CSMD3: variants seen among roughly 807,000 people sequenced by gnomAD.
CSMD3 encodes the protein CUB and sushi domain-containing protein 3.
CSMD3 carries 177 observed loss-of-function variants against 435.2 expected under a neutral mutation model. The ratio of observed to expected loss-of-function variants is 0.41; its 90% CI spans 0.36 to 0.46. CSMD3 has a LOEUF of 0.46. CSMD3 is among the 20% of genes least tolerant of loss of function. The pLI, the probability that CSMD3 is intolerant of heterozygous loss-of-function variation, is 0.34. For synonymous variants in CSMD3, 1,656 were observed against 1,520.5 expected (o/e 1.09, Z -2.07); for missense variants, 4,265 against 4,504.6 (o/e 0.95, Z 1.52).
At chr8:113,114,574 G>A (rs1393113188) in intron 4 of CSMD3, among the ~76,000 whole-genome samples, 1 of 152,078 alleles carries the variant, frequency 6.6e-6, no homozygotes, top group East Asian at 1.9e-4. Context: ...AGACCACAGT[G>A]TATAGATTAG....
intron 9 of CSMD3, among the ~76,000 whole-genome samples, chr8:112,937,106 T>G (rs574573898): frequency 6.6e-6 from 1 of 152,164 alleles, no homozygotes; most frequent in Non-Finnish European, 1.5e-5. Flanking sequence ...TAAGTTTGCC[T>G]ACCCAACTTG....
At chr8:112,318,361 T>C (rs897022805) in intron 47 of CSMD3, among the ~76,000 whole-genome samples, 3 of 152,064 alleles carry the variant, frequency 2.0e-5, no homozygotes, top group Non-Finnish European at 4.4e-5. Flanking sequence ...CCCTTTTCCA[T>C]GATGCTTCCA....
At chr8:112,984,496 G>A (rs1479091544) in intron 6 of CSMD3, among the ~76,000 whole-genome samples, 3 of 151,824 alleles carry the variant, frequency 2.0e-5, no homozygotes, top group East Asian at 1.9e-4. Context: ...ATAATATCTC[G>A]CCAACTGTCT....
intron 22 of CSMD3, among the ~76,000 whole-genome samples, chr8:112,631,246 T>A (rs1208474488): frequency 2.0e-5 from 3 of 152,058 alleles, no homozygotes; most frequent in African/African-American, 7.2e-5. Context: ...GTAAATAAAG[T>A]TTTGTTGGAA....
At chr8:112,308,566 G>T (rs1821659928) in intron 50 of CSMD3, among the ~76,000 whole-genome samples, 2 of 151,982 alleles carry the variant, frequency 1.3e-5, no homozygotes, top group Non-Finnish European at 1.5e-5. Flanking sequence ...TAATTGAGTG[G>T]TTGTAAAAGA....
intron 6 of CSMD3, among the ~76,000 whole-genome samples, chr8:112,994,504 G>A (rs1428765700): frequency 6.6e-6 from 1 of 151,640 alleles, no homozygotes; most frequent in Non-Finnish European, 1.5e-5. Flanking sequence ...AATTAGATAT[G>A]TAAGTTCCCA....
chr8:112,230,245 T>G (rs1405553430), intron 69 of CSMD3, among the ~76,000 whole-genome samples: 1 of 152,192 alleles, frequency 6.6e-6, no homozygotes, highest in African/African-American at 2.4e-5. Flanking sequence ...CAGCACTAAA[T>G]TATACAACTG....
At chr8:112,451,213 C>T (rs533027218) in intron 32 of CSMD3, among the ~76,000 whole-genome samples, 3 of 152,004 alleles carry the variant, frequency 2.0e-5, no homozygotes, top group African/African-American at 7.2e-5. Flanking sequence ...AGAAAAAGCA[C>T]AAAGGTTAAC....
chr8:112,236,173 T>C (rs1439435057), intron 67 of CSMD3, among the ~76,000 whole-genome samples: 4 of 151,942 alleles, frequency 2.6e-5, no homozygotes, highest in Non-Finnish European at 5.9e-5. Flanking sequence ...ATAAAATCAA[T>C]GAATATAATT....
intron 32 of CSMD3, among the ~76,000 whole-genome samples, chr8:112,447,000 T>G (rs1419573997): frequency 1.3e-5 from 2 of 152,178 alleles, no homozygotes; most frequent in African/African-American, 4.8e-5. Flanking sequence ...TTATTGTAAT[T>G]AGATAAAGGA....
At chr8:112,697,409 G>A (rs911375939) in intron 13 of CSMD3, among the ~76,000 whole-genome samples, 3 of 152,174 alleles carry the variant, frequency 2.0e-5, no homozygotes, top group South Asian at 4.1e-4. Flanking sequence ...AAAAAAGGAT[G>A]AGTTCATGTC....
Position 113,375,127 on chromosome 8 carries a change from T to C in CSMD3, c.179-60334A>G, listed in dbSNP as rs1235339490. Among the ~76,000 whole-genome samples, 8 of 152,258 alleles carry C rather than the reference T, an allele frequency of 5.3e-5. No individual in the cohort carries two copies. In the East Asian group the frequency reaches 1.2e-3, roughly 22 times the overall value. On this transcript the variant is annotated intron_variant, in intron 1 of 70. Coordinates refer to ENST00000297405, the MANE Select transcript of CSMD3 (RefSeq NM_198123.2). The stretch of plus-strand genomic sequence containing the variant: ...CTCACCTACAAAATCAATCTCAAGA[T>C]AATGGTGAAAAACGATGTCATTCTA...
intron 3 of CSMD3, among the ~76,000 whole-genome samples, chr8:113,248,145 G>A (rs1251828078): frequency 6.6e-6 from 1 of 151,902 alleles, no homozygotes; most frequent in Admixed American, 6.6e-5. Context: ...TTGAAAATGT[G>A]GGGTATTTTA....
chr8:112,316,174 A>G (rs1374087265), intron 47 of CSMD3, among the ~76,000 whole-genome samples: 1 of 151,798 alleles, frequency 6.6e-6, no homozygotes, highest in Non-Finnish European at 1.5e-5. Flanking sequence ...ACTATATAAT[A>G]GAGTTTAAAA....
intron 22 of CSMD3, among the ~76,000 whole-genome samples, chr8:112,622,446 G>A (rs950617950): frequency 4.6e-5 from 7 of 152,100 alleles, no homozygotes; most frequent in African/African-American, 1.4e-4. Flanking sequence ...TTAAAACACC[G>A]TAATGGATGT....
chr8:112,935,371 A>C lies in CSMD3; in HGVS notation c.1508+12419T>G, dbSNP rs184974151. Among the ~76,000 whole-genome samples, 7 of 152,220 alleles carry C rather than the reference A, an allele frequency of 4.6e-5. No individual in the cohort carries two copies. In the East Asian group the frequency reaches 1.4e-3, roughly 29 times the overall value. On this transcript the variant is annotated intron_variant, in intron 9 of 70. Transcript: ENST00000297405. ...TCTTTTGCTAAAAATTGCTTTGGCT[A>C]TTTGAAATCTATTGTGCTTTCATGT... is the stretch of plus-strand genomic sequence containing the variant.
Position 112,681,242 on chromosome 8 carries a change from C to T in CSMD3, c.2677+1200G>A, listed in dbSNP as rs563255374. On this transcript the variant is annotated intron_variant, in intron 16 of 70. Transcript: ENST00000297405. ...ATATTATTATTTATTTTAGTAGAGA[C>T]GGGGTTTCATCATGTTGGCCAGAAT... 3.2e-3 allele frequency among the ~76,000 whole-genome samples: 480 copies of T among 151,218 alleles called. 2 individuals are homozygous for T. Among genetic ancestry groups the T allele is most frequent in the South Asian group, 6.1e-3 (29 of 4,784 alleles).
At chr8:113,068,984 G>A (rs1003983109) in intron 5 of CSMD3, among the ~76,000 whole-genome samples, 5 of 151,764 alleles carry the variant, frequency 3.3e-5, no homozygotes, top group African/African-American at 4.8e-5. Context: ...AACAGGTAAG[G>A]AAACAGTTAC....
chr8:113,121,868 A>C (rs1292964047), intron 4 of CSMD3, among the ~76,000 whole-genome samples: 1 of 152,140 alleles, frequency 6.6e-6, no homozygotes, highest in Non-Finnish European at 1.5e-5. Flanking sequence ...AATACCTCTT[A>C]TACCATTTAA....
Sources: allele counts gnomAD v4.1 joint callset (sites outside exome capture counted in the v4.1 genomes callset), GRCh38; gene constraint gnomAD v4.1.1; transcripts MANE v1.5; gene names NCBI Gene and HGNC (gene_info 2026-07-23, HGNC 2026-07-21).